Variants in DIAPH3 observed in about 807,000 individuals in gnomAD.
DIAPH3 encodes diaphanous related formin 3, also known as protein diaphanous homolog 3.
A neutral mutation model predicts 144.3 loss-of-function variants in DIAPH3; 117 were observed. That is an observed-to-expected ratio of 0.81 (90% CI 0.70 to 0.95). DIAPH3 has a LOEUF of 0.95. DIAPH3 is among the 40% of genes least tolerant of loss of function. The probability of loss-of-function intolerance (pLI) is 0.00; values close to 1 mark genes in which losing one functional copy is unlikely to be tolerated. For missense variants in DIAPH3, 1,421 were observed against 1,412.7 expected (o/e 1.01, Z -0.09); for synonymous variants, 519 against 488.9 (o/e 1.06, Z -0.81).
chr13:60,076,965 T>C (rs2141379224), intron 4 of DIAPH3, among the ~76,000 whole-genome samples: 1 of 152,212 alleles, frequency 6.6e-6, no homozygotes, highest in Non-Finnish European at 1.5e-5. Context: ...ATCATACACC[T>C]TTTTCACATA....
intron 22 of DIAPH3, among the ~76,000 whole-genome samples, chr13:59,841,162 T>G (rs1442963131): frequency 1.3e-5 from 2 of 152,306 alleles, no homozygotes; most frequent in East Asian, 3.9e-4. Flanking sequence ...AAGAGATTCC[T>G]TTTGCTCTCC....
intron 27 of DIAPH3, among the ~76,000 whole-genome samples, chr13:59,688,742 T>C (rs1045690435): frequency 9.9e-5 from 15 of 151,940 alleles, no homozygotes; most frequent in Admixed American, 5.3e-4. Flanking sequence ...TGAGTAACAA[T>C]AGGATTAGAT....
intron 17 of DIAPH3, among the ~76,000 whole-genome samples, chr13:59,941,475 G>A (rs1157090456): frequency 6.6e-6 from 1 of 152,092 alleles, no homozygotes; most frequent in Non-Finnish European, 1.5e-5. Context: ...TAACTAAAGA[G>A]ATATTAGAGA....
At position 59,666,525 on chromosome 13, in the gene DIAPH3, A is replaced by G; in HGVS notation, c.*59T>C. On this transcript the variant is annotated 3_prime_UTR_variant, in exon 28 of 28. Transcript: ENST00000400324. ...CATAAAAGCAATTTTTTCAAGTGTT[A>G]TAGTTTAGAGCATGGCTTTATATTT... 6.3e-7 allele frequency: 1 copy of G among 1,598,758 alleles called. No individual in the cohort carries two copies. The highest frequency in any genetic ancestry group is 8.5e-7 in the Non-Finnish European group (1 of 1,173,084).
At chr13:59,857,262 G>T (rs1216485266) in intron 22 of DIAPH3, among the ~76,000 whole-genome samples, 1 of 152,052 alleles carries the variant, frequency 6.6e-6, no homozygotes, top group East Asian at 1.9e-4. Context: ...GAAATTAAGT[G>T]TTCTAAGTGC....
At position 60,163,763 on chromosome 13, in the gene DIAPH3, C is replaced by T. The variant is rs2138510332; in HGVS notation, c.4G>A (p.Glu2Lys). The part of the protein sequence containing the change: M[E>K]RHQPRLHHPA... Reference sequence around the variant, plus strand: ...TGGTGCAGCCGCGGCTGGTGCCGTTCCATCTTTCCCCGCAGCTCCGGGGAC... The same window carrying T: ...TGGTGCAGCCGCGGCTGGTGCCGTTTCATCTTTCCCCGCAGCTCCGGGGAC... The change falls in exon 1 of 28, where the codon GAA becomes AAA. Residue 2 changes from glutamate to lysine, a missense_variant. Physicochemically the swap from Glu to Lys is moderately conservative, Grantham distance 56 (BLOSUM62 1). Coordinates refer to ENST00000400324, the MANE Select transcript of DIAPH3 (RefSeq NM_001042517.2). 6.3e-7 allele frequency: 1 copy of T among 1,579,740 alleles called. No homozygotes were observed. Among genetic ancestry groups the T allele is most frequent in the Non-Finnish European group, 8.6e-7 (1 of 1,164,360 alleles).
chr13:59,828,631 C>CAAAA (rs5803972), intron 24 of DIAPH3, among the ~76,000 whole-genome samples: 1 of 130,404 alleles, frequency 7.7e-6, no homozygotes, highest in African/African-American at 2.9e-5. Context: ...TTCTGGACCT[C>CAAAA]AAAAAAAAAA....
intron 25 of DIAPH3, among the ~76,000 whole-genome samples, chr13:59,805,995 T>C (rs1292534935): frequency 3.9e-5 from 6 of 151,996 alleles, no homozygotes; most frequent in Non-Finnish European, 8.8e-5. Flanking sequence ...CCTCAGATAG[T>C]GATACAAGAA....
intron 25 of DIAPH3, among the ~76,000 whole-genome samples, chr13:59,797,082 C>T (rs2139443350): frequency 6.6e-6 from 1 of 152,130 alleles, no homozygotes; most frequent in East Asian, 1.9e-4. Flanking sequence ...CCACTATTAA[C>T]AGAGAATAGC....
intron 27 of DIAPH3, among the ~76,000 whole-genome samples, chr13:59,734,404 CATCAATATCATCTCAT>C: frequency 6.6e-6 from 1 of 152,212 alleles, no homozygotes; most frequent in South Asian, 2.1e-4. Flanking sequence ...CCTTTTTTCT[CATCAATATCATCTCAT>C]ATCAAAAGTT....
intron 27 of DIAPH3, among the ~76,000 whole-genome samples, chr13:59,683,783 T>C (rs76523516): frequency 0.032 from 4,817 of 152,274 alleles, 275 homozygotes; most frequent in African/African-American, 0.11. Flanking sequence ...ACTTTCCTTG[T>C]TGTCAATGCT....
intron 2 of DIAPH3, among the ~76,000 whole-genome samples, chr13:60,132,306 T>C (rs958372959): frequency 2.0e-5 from 3 of 152,154 alleles, no homozygotes; most frequent in African/African-American, 7.2e-5. Flanking sequence ...GCCTGGTCAA[T>C]GGGGGGCCAT....
intron 27 of DIAPH3, among the ~76,000 whole-genome samples, chr13:59,709,155 T>G (rs1555277382): frequency 6.6e-6 from 1 of 152,232 alleles, no homozygotes; most frequent in Non-Finnish European, 1.5e-5. Context: ...TGAATAACTT[T>G]TATTTCTGGG....
rs12871492 is a variant in DIAPH3, at chr13:59,750,278, G to A, written c.3319+23911C>T. ...TTATTGCTATGTTTACACAATAGCT[G>A]GTTTTAAAAACCTCATGAACTTGAC... On this transcript the variant is annotated intron_variant, in intron 27 of 27. Coordinates refer to ENST00000400324, the MANE Select transcript of DIAPH3 (RefSeq NM_001042517.2). Among the ~76,000 whole-genome samples, 227 of 152,206 alleles carry A rather than the reference G, an allele frequency of 1.5e-3. 1 individual carries two copies. The highest frequency in any genetic ancestry group is 2.7e-3 in the Non-Finnish European group (183 of 68,006).
intron 27 of DIAPH3, among the ~76,000 whole-genome samples, chr13:59,759,810 G>A (rs2037482068): frequency 6.6e-6 from 1 of 152,088 alleles, no homozygotes; most frequent in Non-Finnish European, 1.5e-5. Flanking sequence ...GCCAGGTGTG[G>A]TGGTGTGTGC....
At chr13:59,805,804 C>T (rs1240996958) in intron 25 of DIAPH3, among the ~76,000 whole-genome samples, 1 of 151,846 alleles carries the variant, frequency 6.6e-6, no homozygotes, top group Non-Finnish European at 1.5e-5. Context: ...CATTTTTCTT[C>T]TTGGAGAAAT....
intron 27 of DIAPH3, among the ~76,000 whole-genome samples, chr13:59,667,608 A>C (rs1251011563): frequency 6.6e-6 from 1 of 152,252 alleles, no homozygotes; most frequent in African/African-American, 2.4e-5. Flanking sequence ...AGCAAACCAG[A>C]ATGTTATATG....
chr13:59,706,456 A>C (rs973909723), intron 27 of DIAPH3, among the ~76,000 whole-genome samples: 5 of 152,316 alleles, frequency 3.3e-5, no homozygotes, highest in Non-Finnish European at 7.4e-5. Context: ...AGGGAAGAAG[A>C]AGGAAACGAG....
chr13:59,789,558 G>A (rs1465289586), intron 25 of DIAPH3, among the ~76,000 whole-genome samples: 2 of 152,142 alleles, frequency 1.3e-5, no homozygotes, highest in Admixed American at 6.5e-5. Flanking sequence ...AGGAGCTAGA[G>A]AATAATATCG....
Sources: allele counts gnomAD v4.1 joint callset (sites outside exome capture counted in the v4.1 genomes callset), GRCh38; gene constraint gnomAD v4.1.1; transcripts MANE v1.5; gene names NCBI Gene and HGNC (gene_info 2026-07-23, HGNC 2026-07-21).